ERC2: variants seen among roughly 807,000 people sequenced by gnomAD.
ERC2 encodes ELKS/RAB6-interacting/CAST family member 2.
ERC2 carries 42 observed loss-of-function variants against 114.8 expected under a neutral mutation model. The ratio of observed to expected loss-of-function variants is 0.37; its 90% CI spans 0.29 to 0.47. ERC2 has a LOEUF of 0.47. Among genes scored for constraint, ERC2 ranks in the 20% least tolerant of loss-of-function variants. The pLI, the probability that ERC2 is intolerant of heterozygous loss-of-function variation, is 0.99. For missense variants in ERC2, 939 were observed against 1,150.7 expected (o/e 0.82, Z 2.66); for synonymous variants, 454 against 425.5 (o/e 1.07, Z -0.82).
intron 14 of ERC2, among the ~76,000 whole-genome samples, chr3:55,830,795 C>A (rs1278468436): frequency 6.6e-6 from 1 of 151,848 alleles, no homozygotes; most frequent in Non-Finnish European, 1.5e-5. Context: ...TTATAAAAAA[C>A]TAACCAGGTA....
intron 11 of ERC2, among the ~76,000 whole-genome samples, chr3:55,986,934 C>T (rs2070686427): frequency 6.6e-6 from 1 of 152,112 alleles, no homozygotes; most frequent in East Asian, 1.9e-4. Flanking sequence ...AAATACTTTT[C>T]CAGCTTTCTG....
At chr3:56,370,785 G>A (rs2059337209) in intron 2 of ERC2, among the ~76,000 whole-genome samples, 2 of 152,026 alleles carry the variant, frequency 1.3e-5, no homozygotes, top group South Asian at 4.2e-4. Context: ...AGTAGAGAAG[G>A]GGTTTCACCA....
At chr3:56,399,247 G>A (rs892661870) in intron 2 of ERC2, among the ~76,000 whole-genome samples, 3 of 152,172 alleles carry the variant, frequency 2.0e-5, no homozygotes, top group South Asian at 2.1e-4. Context: ...TAGAGCCTGC[G>A]TACTTCTATT....
chr3:55,706,627 G>A (rs572265306), intron 15 of ERC2, among the ~76,000 whole-genome samples: 1 of 151,880 alleles, frequency 6.6e-6, no homozygotes, highest in African/African-American at 2.4e-5. Context: ...AGCCAGGCTG[G>A]TCTTGAACTC....
chr3:55,946,223 T>C (rs2067120195), intron 13 of ERC2, among the ~76,000 whole-genome samples: 1 of 152,146 alleles, frequency 6.6e-6, no homozygotes, highest in South Asian at 2.1e-4. Flanking sequence ...AGGTCAGACA[T>C]AAATATCATG....
intron 17 of ERC2, among the ~76,000 whole-genome samples, chr3:55,536,703 G>A (rs573981865): frequency 3.3e-5 from 5 of 152,296 alleles, no homozygotes; most frequent in African/African-American, 9.6e-5. Flanking sequence ...CTAAACAAAC[G>A]GGTGTGGGAA....
At chr3:55,529,684 A>C (rs929417644) in intron 17 of ERC2, among the ~76,000 whole-genome samples, 4 of 152,176 alleles carry the variant, frequency 2.6e-5, no homozygotes, top group Non-Finnish European at 5.9e-5. Context: ...GTGAATAATC[A>C]CCATAATCAG....
At chr3:55,839,207 T>G (rs1050728604) in intron 14 of ERC2, among the ~76,000 whole-genome samples, 2 of 151,520 alleles carry the variant, frequency 1.3e-5, no homozygotes, top group Non-Finnish European at 3.0e-5. Context: ...GAAAAAAGAA[T>G]CAGCCAAACT....
chr3:55,699,731 A>G (rs527604697), intron 15 of ERC2, among the ~76,000 whole-genome samples: 1 of 152,336 alleles, frequency 6.6e-6, no homozygotes, highest in South Asian at 2.1e-4. Context: ...ACATCTGTAA[A>G]TGTTAATGTA....
At chr3:55,567,518 T>G (rs369686815) in intron 17 of ERC2, among the ~76,000 whole-genome samples, 10 of 152,114 alleles carry the variant, frequency 6.6e-5, no homozygotes, top group East Asian at 5.8e-4. Flanking sequence ...CAAAAACTGG[T>G]CCTTCTGAGC....
intron 2 of ERC2, among the ~76,000 whole-genome samples, chr3:56,331,073 T>G (rs1380163653): frequency 6.6e-6 from 1 of 152,184 alleles, no homozygotes; most frequent in Non-Finnish European, 1.5e-5. Flanking sequence ...TCAAAGACAC[T>G]CCTTGGCCAA....
intron 6 of ERC2, among the ~76,000 whole-genome samples, chr3:56,118,093 G>C (rs2079349798): frequency 6.6e-6 from 1 of 152,192 alleles, no homozygotes; most frequent in Non-Finnish European, 1.5e-5. Context: ...TTTGGCATTA[G>C]ACTGGCTGGA....
intron 16 of ERC2, among the ~76,000 whole-genome samples, chr3:55,694,200 C>T (rs901027596): frequency 1.2e-4 from 19 of 152,262 alleles, no homozygotes; most frequent in Middle Eastern, 3.4e-3. Flanking sequence ...CTCAGAGACT[C>T]AGGATTTCAT....
chr3:56,222,819 A>G (rs1429831158), intron 3 of ERC2, among the ~76,000 whole-genome samples: 1 of 152,246 alleles, frequency 6.6e-6, no homozygotes, highest in African/African-American at 2.4e-5. Context: ...AAACCATACA[A>G]AAGCCTCCTG....
intron 17 of ERC2, among the ~76,000 whole-genome samples, chr3:55,528,841 G>A (rs1370181001): frequency 6.6e-6 from 1 of 152,146 alleles, no homozygotes; most frequent in East Asian, 1.9e-4. Flanking sequence ...ACCCTAGTTT[G>A]ATAACGAAAA....
intron 13 of ERC2, among the ~76,000 whole-genome samples, chr3:55,948,178 C>A (rs1461820832): frequency 6.6e-6 from 1 of 152,180 alleles, no homozygotes; most frequent in Non-Finnish European, 1.5e-5. Context: ...AAGCCTGATC[C>A]ACTAGCTATT....
chr3:55,582,343 G>A lies in ERC2; in HGVS notation c.*40-71067C>T, dbSNP rs549962753. Among the ~76,000 whole-genome samples, 38 of 152,322 alleles carry A rather than the reference G, an allele frequency of 2.5e-4. 1 individual carries two copies. Among genetic ancestry groups the A allele is most frequent in the African/African-American group, 8.9e-4 (37 of 41,568 alleles). Reference sequence around the variant, plus strand: ...TACAATAGGTATTTATAGTTGGATAGATGGATGGATGCACTGATCAGTTAT... The same window carrying A: ...TACAATAGGTATTTATAGTTGGATAAATGGATGGATGCACTGATCAGTTAT... On this transcript the variant is annotated intron_variant, in intron 17 of 17. Transcript: ENST00000288221.
chr3:55,748,630 T>C (rs1437351485), intron 14 of ERC2, among the ~76,000 whole-genome samples: 1 of 152,202 alleles, frequency 6.6e-6, no homozygotes. Flanking sequence ...CTGAATCCTG[T>C]TTCCCAATTC....
chr3:56,437,519 T>C (rs1486801017), intron 1 of ERC2, among the ~76,000 whole-genome samples: 2 of 152,252 alleles, frequency 1.3e-5, no homozygotes, highest in Non-Finnish European at 2.9e-5. Context: ...GAGATTTCTG[T>C]CACAGATAGT....
Sources: gnomAD v4.1 joint callset for allele counts (sites outside exome capture counted in the v4.1 genomes callset) on GRCh38, gnomAD v4.1.1 for gene constraint, MANE v1.5 for transcripts, NCBI Gene and HGNC (gene_info 2026-07-23, HGNC 2026-07-21) for gene names.